The following CCBE1 variants were observed in gnomAD, a reference collection of about 807,000 sequenced individuals.
CCBE1 encodes collagen and calcium binding EGF domains 1.
Under a neutral mutation model 50.0 loss-of-function variants are expected in CCBE1, and 37 were observed. That is an observed-to-expected ratio of 0.74 (90% CI 0.57 to 0.97). The LOEUF (loss-of-function observed/expected upper bound fraction) is 0.97, where lower values mean the gene tolerates loss of function less well. CCBE1 is among the 50% of genes least tolerant of loss of function. The pLI, the probability that CCBE1 is intolerant of heterozygous loss-of-function variation, is 0.00. For missense variants in CCBE1, 538 were observed against 523.8 expected (o/e 1.03, Z -0.26); for synonymous variants, 234 against 203.7 (o/e 1.15, Z -1.27).
intron 2 of CCBE1, among the ~76,000 whole-genome samples, chr18:59,602,049 A>G (rs935866144): frequency 1.3e-5 from 2 of 152,008 alleles, no homozygotes; most frequent in Admixed American, 1.3e-4. Flanking sequence ...GCCAAAAAAA[A>G]GATCCACCTC....
At chr18:59,470,995 A>G (rs931639259) in intron 3 of CCBE1, among the ~76,000 whole-genome samples, 3 of 152,194 alleles carry the variant, frequency 2.0e-5, no homozygotes, top group Non-Finnish European at 4.4e-5. Context: ...AACCCTGCAA[A>G]CTGTCTCTGG....
chr18:59,689,377 G>T (rs893838367), intron 2 of CCBE1, among the ~76,000 whole-genome samples: 7 of 152,194 alleles, frequency 4.6e-5, no homozygotes, highest in Non-Finnish European at 8.8e-5. Context: ...TCAAGGTCAT[G>T]GTAAGATGAA....
At position 59,480,258 on chromosome 18, in the gene CCBE1, T is replaced by C; in HGVS notation, c.213-20A>G. 6.6e-7 allele frequency: 1 copy of C among 1,525,520 alleles called. No individual in the cohort carries two copies. The highest frequency in any genetic ancestry group is 9.1e-7 in the Non-Finnish European group (1 of 1,100,974). The allele number at this position is 1,525,520 out of a possible 1,614,324, so 94.5% of individuals were successfully genotyped here. A position where few individuals can be genotyped will look rare whatever the true frequency, so the allele number is the denominator to read the frequency against. On this transcript the variant is annotated intron_variant, in intron 2 of 10. Transcript: ENST00000439986. The stretch of plus-strand genomic sequence containing the variant: ...TTTTTCCTAAGAGACAAACAAACAT[T>C]TAAAATATAATAATTAGGCTAAAAA...
Position 59,632,643 on chromosome 18 carries a change from C to G in CCBE1, c.212+63986G>C, listed in dbSNP as rs1007658733. ...TTACTCTATGGCCCAGGCTGGAGTG[C>G]AGTGGCACGATCTTGGCTCACCGCA... On this transcript the variant is annotated intron_variant, in intron 2 of 10. Coordinates refer to ENST00000439986, the MANE Select transcript of CCBE1 (RefSeq NM_133459.4). 5.9e-5 allele frequency among the ~76,000 whole-genome samples: 9 copies of G among 152,090 alleles called. No homozygotes were observed. In the East Asian group the frequency reaches 1.7e-3, roughly 29 times the overall value.
chr18:59,489,202 G>C (rs1163268483), intron 2 of CCBE1, among the ~76,000 whole-genome samples: 1 of 152,170 alleles, frequency 6.6e-6, no homozygotes, highest in African/African-American at 2.4e-5. Flanking sequence ...AGCAGGCCCA[G>C]AACTTATAGA....
intron 2 of CCBE1, among the ~76,000 whole-genome samples, chr18:59,498,196 CT>C (rs138660913): frequency 7.4e-5 from 11 of 149,154 alleles, no homozygotes; most frequent in Non-Finnish European, 7.5e-5. Flanking sequence ...CAACCAAGAT[CT>C]TTTTTTTTTG....
intron 2 of CCBE1, among the ~76,000 whole-genome samples, chr18:59,586,358 T>G (rs1053077374): frequency 2.6e-5 from 4 of 152,144 alleles, no homozygotes; most frequent in Non-Finnish European, 4.4e-5. Context: ...CAAACACACT[T>G]GAGAAGAAGA....
intron 2 of CCBE1, among the ~76,000 whole-genome samples, chr18:59,628,814 C>T (rs1332686785): frequency 6.6e-6 from 1 of 152,164 alleles, no homozygotes; most frequent in Non-Finnish European, 1.5e-5. Flanking sequence ...TCTAGGCCAC[C>T]AACCTGCCTA....
At chr18:59,624,034 C>T (rs537936408) in intron 2 of CCBE1, among the ~76,000 whole-genome samples, 32 of 152,232 alleles carry the variant, frequency 2.1e-4, no homozygotes, top group African/African-American at 4.1e-4. Flanking sequence ...AACTTAGTAG[C>T]GGAATTACCT....
chr18:59,516,713 A>C (rs971510182), intron 2 of CCBE1, among the ~76,000 whole-genome samples: 1 of 152,170 alleles, frequency 6.6e-6, no homozygotes, highest in African/African-American at 2.4e-5. Flanking sequence ...TTTTTACAAC[A>C]TGACCTAGTT....
At chr18:59,569,066 C>T (rs1036731061) in intron 2 of CCBE1, among the ~76,000 whole-genome samples, 2 of 152,168 alleles carry the variant, frequency 1.3e-5, no homozygotes, top group African/African-American at 2.4e-5. Context: ...GGGTGCATCT[C>T]GGGTTATCTC....
At chr18:59,547,071 G>A (rs1262609540) in intron 2 of CCBE1, among the ~76,000 whole-genome samples, 43 of 65,400 alleles carry the variant, frequency 6.6e-4, no homozygotes, top group Non-Finnish European at 7.7e-4. Flanking sequence ...GGGGGAGAGA[G>A]GGGGAGAGAA....
chr18:59,670,228 T>C (rs1298100361), intron 2 of CCBE1, among the ~76,000 whole-genome samples: 2 of 151,958 alleles, frequency 1.3e-5, no homozygotes, highest in Non-Finnish European at 2.9e-5. Flanking sequence ...AAGTGAAAAA[T>C]TATAATAAAA....
At chr18:59,531,831 T>G (rs1164317781) in intron 2 of CCBE1, among the ~76,000 whole-genome samples, 1 of 152,112 alleles carries the variant, frequency 6.6e-6, no homozygotes, top group Non-Finnish European at 1.5e-5. Context: ...CTTTCTAGAA[T>G]CTACAAATGG....
chr18:59,477,069 G>T lies in CCBE1; in HGVS notation c.265+3117C>A, dbSNP rs898685949. On this transcript the variant is annotated intron_variant, in intron 3 of 10. Coordinates refer to ENST00000439986, the MANE Select transcript of CCBE1 (RefSeq NM_133459.4). The stretch of plus-strand genomic sequence containing the variant: ...GAAGCAAAAATGATTCCATTGAACT[G>T]AAAATTAAGGTGCCACCTGGCTACT... Among the ~76,000 whole-genome samples, 3 of 152,226 alleles carry T rather than the reference G, an allele frequency of 2.0e-5. No homozygotes were observed. In the East Asian group the frequency reaches 5.8e-4, roughly 29 times the overall value.
chr18:59,677,847 G>A (rs577134580), intron 2 of CCBE1, among the ~76,000 whole-genome samples: 1 of 152,262 alleles, frequency 6.6e-6, no homozygotes, highest in African/African-American at 2.4e-5. Context: ...ATACAAAAGG[G>A]AGTGAGTGGG....
At chr18:59,499,721 C>G (rs1320821354) in intron 2 of CCBE1, among the ~76,000 whole-genome samples, 1 of 152,220 alleles carries the variant, frequency 6.6e-6, no homozygotes, top group Non-Finnish European at 1.5e-5. Context: ...TGGGTGCGGA[C>G]ACAGCCAAAC....
chr18:59,668,819 CTT>C (rs34632549), intron 2 of CCBE1, among the ~76,000 whole-genome samples: 12 of 99,170 alleles, frequency 1.2e-4, no homozygotes, highest in Admixed American at 2.4e-4. Context: ...TTCCATAAGT[CTT>C]TTTTTTTTTT....
intron 2 of CCBE1, among the ~76,000 whole-genome samples, chr18:59,481,469 G>T (rs553727581): frequency 6.6e-6 from 1 of 152,098 alleles, no homozygotes; most frequent in Non-Finnish European, 1.5e-5. Flanking sequence ...TCAGATTAAA[G>T]AAGTTTGGCA....
Sources: gnomAD v4.1 joint callset for allele counts (sites outside exome capture counted in the v4.1 genomes callset) on GRCh38, gnomAD v4.1.1 for gene constraint, MANE v1.5 for transcripts, NCBI Gene and HGNC (gene_info 2026-07-23, HGNC 2026-07-21) for gene names.